The following TGM6 variants were observed in gnomAD, a reference collection of about 807,000 sequenced individuals.
The protein encoded by TGM6 is protein-glutamine gamma-glutamyltransferase 6.
In TGM6, 74 loss-of-function variants were observed where a neutral mutation model predicts 77.5. The observed-to-expected ratio is 0.96, with a 90% CI of 0.79 to 1.16. The LOEUF is 1.16. TGM6 is among the 50% of genes most tolerant of loss of function. The probability of loss-of-function intolerance (pLI) is 0.00; values close to 1 mark genes in which losing one functional copy is unlikely to be tolerated. For missense variants in TGM6, 968 were observed against 940.2 expected, an observed-to-expected ratio of 1.03 and a Z score of -0.39; for synonymous variants, 383 against 378.9, an observed-to-expected ratio of 1.01 and a Z score of -0.12.
intron 2 of TGM6, 36 bp from the exon 3 acceptor site, chr20:2,395,158 G>T: frequency 6.2e-7 from 1 of 1,606,966 alleles, no homozygotes; most frequent in South Asian, 1.1e-5. Context: ...GGTTTCCCAG[G>T]GGAAGGGTCT....
At position 2,400,300 on chromosome 20, in the gene TGM6, C is replaced by T. The variant is rs1295290179; in HGVS notation, c.851-6C>T. ...CCCGCCTGCTCCGAGCCTCTCTGCT[C>T]TGCAGTCCTCAGGTGCTTGGGGATA... On this transcript the variant is annotated splice_region_variant and splice_polypyrimidine_tract_variant and intron_variant, in intron 6 of 12. Transcript: ENST00000202625. 1 of 1,614,052 alleles carries T rather than the reference C, an allele frequency of 6.2e-7. No individual in the cohort carries two copies. Among genetic ancestry groups the T allele is most frequent in the African/African-American group, 1.3e-5 (1 of 74,936 alleles).
Position 2,394,558 on chromosome 20 carries a change from C to T in TGM6, c.114C>T (p.Phe38=). ...PELVVRRGQS[F]SLTLELSRAL... ...TGGTGGTTCGCAGGGGCCAGTCGTT[C>T]AGCCTCACGCTGGAGCTGAGCAGAG... Residue 38 remains phenylalanine, a synonymous_variant, in exon 2 of 13, where the codon TTC becomes TTT. Coordinates refer to ENST00000202625, the MANE Select transcript of TGM6 (RefSeq NM_198994.3). The T allele has an allele frequency of 6.2e-7, 1 of 1,612,232 alleles. No homozygotes were observed. The highest frequency in any genetic ancestry group is 2.2e-5 in the East Asian group (1 of 44,872).
intron 7 of TGM6, among the ~76,000 whole-genome samples, chr20:2,401,050 C>CA (rs2122368428): frequency 1.3e-5 from 2 of 151,820 alleles, no homozygotes; most frequent in South Asian, 4.2e-4. Context: ...ACTAAAAACA[C>CA]AAAAATTAGC....
chr20:2,426,697 C>T (rs2084889650), intron 10 of TGM6, among the ~76,000 whole-genome samples: 1 of 152,048 alleles, frequency 6.6e-6, no homozygotes, highest in South Asian at 2.1e-4. Flanking sequence ...CTCCTCTATT[C>T]CTAGTTTGCT....
chr20:2,384,663 G>A (rs1414877780), intron 1 of TGM6, among the ~76,000 whole-genome samples: 2 of 152,202 alleles, frequency 1.3e-5, no homozygotes, highest in African/African-American at 2.4e-5. Flanking sequence ...CCAACGAGGG[G>A]CAAAGCCTGC....
intron 4 of TGM6, among the ~76,000 whole-genome samples, chr20:2,397,037 G>A (rs1000110358): frequency 3.3e-5 from 5 of 152,152 alleles, no homozygotes; most frequent in Non-Finnish European, 7.3e-5. Flanking sequence ...GCTGGCCTAA[G>A]ACCACACTTT....
At chr20:2,408,089 T>C (rs1395999851) in intron 9 of TGM6, among the ~76,000 whole-genome samples, 1 of 152,126 alleles carries the variant, frequency 6.6e-6, no homozygotes, top group African/African-American at 2.4e-5. Context: ...TGAGAAGGCA[T>C]TCCAGGAAGA....
chr20:2,400,394 C>T lies in TGM6; in HGVS notation c.939C>T (p.Tyr313=), dbSNP rs376424667. The part of the protein sequence containing the change: ...DTDQNLSVDK[Y]VDSFGRTLED... The stretch of plus-strand genomic sequence containing the variant: ...ACCAGAACCTGAGTGTGGACAAATA[C>T]GTGGACTCCTTCGGGCGGACCCTGG... Residue 313 remains tyrosine, a synonymous_variant, in exon 7 of 13, where the codon TAC becomes TAT. Transcript: ENST00000202625. 21 of 1,614,108 alleles carry T rather than the reference C, an allele frequency of 1.3e-5. No individual in the cohort carries two copies. Among genetic ancestry groups the T allele is most frequent in the Admixed American group, 1.7e-5 (1 of 60,016 alleles).
At chr20:2,428,264 T>C (rs1174278473) in intron 10 of TGM6, among the ~76,000 whole-genome samples, 1 of 152,224 alleles carries the variant, frequency 6.6e-6, no homozygotes, top group East Asian at 1.9e-4. Context: ...GACGGTGCTA[T>C]TGAGAACCAT....
rs551248080 is a variant in TGM6 at position 2,417,565 on chromosome 20, C to G, written c.1670C>G (p.Pro557Arg). 1.9e-6 allele frequency: 3 copies of G among 1,600,690 alleles called. No individual in the cohort carries two copies. The Admixed American group carries it at 5.0e-5, about 27-fold the overall frequency. ...LHESHAVRLGPQEEKRIPITI... is the reference protein window; with the variant it reads ...LHESHAVRLGRQEEKRIPITI... ...GAATCCCACGCCGTGAGGCTGGGGC[C>G]GCAAGAAGGTAAGTGTACGCTGGCT... The change falls in exon 10 of 13, where the codon CCG (proline) becomes CGG (arginine). Residue 557 changes from proline (P) to arginine (R), a missense_variant. By Grantham distance (103) the Pro-to-Arg change is moderately radical (BLOSUM62 -2). Coordinates refer to ENST00000202625, the MANE Select transcript of TGM6 (RefSeq NM_198994.3).
intron 9 of TGM6, among the ~76,000 whole-genome samples, chr20:2,412,127 A>T (rs2084788143): frequency 6.6e-6 from 1 of 152,250 alleles, no homozygotes; most frequent in African/African-American, 2.4e-5. Context: ...TGGTATATAC[A>T]TACAATGGAA....
At chr20:2,423,834 T>C (rs1028529469) in intron 10 of TGM6, among the ~76,000 whole-genome samples, 3 of 152,210 alleles carry the variant, frequency 2.0e-5, no homozygotes, top group African/African-American at 7.2e-5. Flanking sequence ...TTAAAATTAC[T>C]CATTGATTCA....
Position 2,402,791 on chromosome 20 carries a change from G to A in TGM6, c.990-606G>A, listed in dbSNP as rs752050021. Among the ~76,000 whole-genome samples, 53 of 152,168 alleles carry A rather than the reference G, an allele frequency of 3.5e-4. 1 individual carries two copies. The highest frequency in any genetic ancestry group is 2.1e-3 in the Admixed American group (32 of 15,272). On this transcript the variant is annotated intron_variant, in intron 7 of 12. Transcript: ENST00000202625. Reference sequence around the variant, plus strand: ...GAATTACCAGAGTCTATGGTGCTCTGCATAATCAGAACCCTACCTACCCCC... The same window carrying A: ...GAATTACCAGAGTCTATGGTGCTCTACATAATCAGAACCCTACCTACCCCC...
At chr20:2,381,908 A>G (rs536757587) in intron 1 of TGM6, among the ~76,000 whole-genome samples, 22 of 151,926 alleles carry the variant, frequency 1.4e-4, no homozygotes, top group Non-Finnish European at 1.5e-4. Context: ...ACAGAGTGAG[A>G]CCCTGTCTCA....
chr20:2,406,858 A>C (rs1220098778), intron 9 of TGM6, among the ~76,000 whole-genome samples: 2 of 147,322 alleles, frequency 1.4e-5, no homozygotes. Context: ...AAAAAAAAAA[A>C]AAAAAAAACC....
chr20:2,395,395 G>A lies in TGM6; in HGVS notation c.383G>A (p.Arg128Lys), dbSNP rs375705558. 4 of 1,614,146 alleles carry A rather than the reference G, an allele frequency of 2.5e-6. No individual in the cohort carries two copies. The African/African-American group carries it at 4.0e-5, about 16-fold the overall frequency. The change falls in exon 3 of 13, where the codon AGG becomes AAG. Residue 128 changes from arginine to lysine, a missense_variant. Physicochemically the swap from Arg to Lys is conservative, Grantham distance 26. Coordinates refer to ENST00000202625, the MANE Select transcript of TGM6 (RefSeq NM_198994.3). ...TCTCACCGCAAACACAGCAACCGGA[G>A]GCTGGGCGAGTTTGTTCTCCTTTTC... ...LSSHRKHSNR[R>K]LGEFVLLFNP...
rs553429663 is a variant in TGM6, at chr20:2,421,147, T to C, written c.1678+3574T>C. Among the ~76,000 whole-genome samples, 60 of 152,096 alleles carry C rather than the reference T, an allele frequency of 3.9e-4. 1 individual carries two copies. The highest frequency in any genetic ancestry group is 7.4e-5 in the Non-Finnish European group (5 of 67,994). On this transcript the variant is annotated intron_variant, in intron 10 of 12. Transcript: ENST00000202625. ...GATTACGGGCACACACGACTACACCTAGTTAATTTTTGTATTTTTAGTAAA... is the reference window on the plus strand; with the variant it reads ...GATTACGGGCACACACGACTACACCCAGTTAATTTTTGTATTTTTAGTAAA...
rs1599948828 is a variant in TGM6 at position 2,396,443 on chromosome 20, C to A, written c.425-63C>A. On this transcript the variant is annotated intron_variant, in intron 3 of 12. Coordinates refer to ENST00000202625, the MANE Select transcript of TGM6 (RefSeq NM_198994.3). ...CCCTGCTGCTGATCCCTGATGCAGC[C>A]CCTTCCCCAGGCCAGCAAGGCCAGA... is the stretch of plus-strand genomic sequence containing the variant. The A allele has an allele frequency of 2.0e-6, 3 of 1,537,208 alleles. No individual in the cohort carries two copies. The East Asian group carries it at 6.8e-5, about 35-fold the overall frequency.
chr20:2,416,126 C>G (rs983164813), intron 9 of TGM6, among the ~76,000 whole-genome samples: 1 of 152,194 alleles, frequency 6.6e-6, no homozygotes, highest in African/African-American at 2.4e-5. Flanking sequence ...TTTCTTAAAG[C>G]AGCAGTGTGC....
Sources: gnomAD v4.1 joint callset for allele counts (sites outside exome capture counted in the v4.1 genomes callset) on GRCh38, gnomAD v4.1.1 for gene constraint, MANE v1.5 for transcripts, NCBI Gene and HGNC (gene_info 2026-07-23, HGNC 2026-07-21) for gene names.